The following CDH12 variants were observed in gnomAD, a reference collection of about 807,000 sequenced individuals.
CDH12 encodes the protein cadherin-12.
Under a neutral mutation model 74.1 loss-of-function variants are expected in CDH12, and 41 were observed. The observed-to-expected ratio is 0.55, with a 90% CI of 0.43 to 0.72. CDH12 has a LOEUF of 0.72. CDH12 is among the 30% of genes least tolerant of loss of function. CDH12 has a pLI of 0.00. For synonymous variants in CDH12, 399 were observed against 355.0 expected, an observed-to-expected ratio of 1.12 and a Z score of -1.39; for missense variants, 945 against 977.2, an observed-to-expected ratio of 0.97 and a Z score of 0.44.
chr5:22,660,862 TA>T (rs1248567010), intron 1 of CDH12, among the ~76,000 whole-genome samples: 1 of 152,222 alleles, frequency 6.6e-6, no homozygotes, highest in Non-Finnish European at 1.5e-5. Flanking sequence ...CCTTAAAAAT[TA>T]AATATAATAT....
chr5:22,011,978 T>C (rs1737323321), intron 5 of CDH12, among the ~76,000 whole-genome samples: 1 of 152,122 alleles, frequency 6.6e-6, no homozygotes, highest in South Asian at 2.1e-4. Flanking sequence ...TAATCCTGGC[T>C]GACTTTTATC....
At chr5:22,570,844 T>A (rs975376375) in intron 1 of CDH12, among the ~76,000 whole-genome samples, 12 of 152,186 alleles carry the variant, frequency 7.9e-5, no homozygotes, top group African/African-American at 2.9e-4. Context: ...TAAGACTGTT[T>A]CATCTACCTT....
chr5:22,790,004 TAGA>T (rs1246537005), intron 1 of CDH12, among the ~76,000 whole-genome samples: 1 of 152,074 alleles, frequency 6.6e-6, no homozygotes, highest in African/African-American at 2.4e-5. Context: ...GAAATATTTT[TAGA>T]AGAATAGGAG....
At chr5:22,550,440 C>T (rs998410760) in intron 1 of CDH12, among the ~76,000 whole-genome samples, 3 of 152,104 alleles carry the variant, frequency 2.0e-5, no homozygotes, top group African/African-American at 4.8e-5. Context: ...TGAGATTTCC[C>T]ATCTCAATAA....
At chr5:21,946,610 A>G (rs373893858) in intron 6 of CDH12, among the ~76,000 whole-genome samples, 14 of 152,336 alleles carry the variant, frequency 9.2e-5, no homozygotes, top group South Asian at 4.2e-4. Context: ...AAACCAAACA[A>G]AATCATGTAC....
At chr5:22,465,816 T>G (rs542314092) in intron 2 of CDH12, among the ~76,000 whole-genome samples, 1 of 152,178 alleles carries the variant, frequency 6.6e-6, no homozygotes, top group Non-Finnish European at 1.5e-5. Flanking sequence ...TTGCTCACCA[T>G]GTCCATCACT....
rs1746060442 is a variant in CDH12 at position 22,473,801 on chromosome 5, T to TATAGTGTAAATTGATAG, written c.-428+31468_-428+31469insCTATCAATTTACACTAT. On this transcript the variant is annotated intron_variant, in intron 2 of 14. Coordinates refer to ENST00000382254, the MANE Select transcript of CDH12 (RefSeq NM_004061.5). Reference sequence around the variant, plus strand: ...AAGGCTGATATAGTGTAAATTGATATATATAGTGTAATGGAAAATCGGACT... The same window carrying TATAGTGTAAATTGATAG: ...AAGGCTGATATAGTGTAAATTGATATATAGTGTAAATTGATAGATATAGTGTAATGGAAAATCGGACT... Among the ~76,000 whole-genome samples, 7 of 151,974 alleles carry TATAGTGTAAATTGATAG rather than the reference T, an allele frequency of 4.6e-5. No homozygotes were observed. The South Asian group carries it at 1.5e-3, about 32-fold the overall frequency.
chr5:22,367,706 A>G (rs765995388), intron 3 of CDH12, among the ~76,000 whole-genome samples: 6 of 152,174 alleles, frequency 3.9e-5, no homozygotes, highest in Non-Finnish European at 8.8e-5. Flanking sequence ...TCAGGTAAAT[A>G]TAGAAGCCCA....
chr5:22,299,329 T>C (rs992874456), intron 3 of CDH12, among the ~76,000 whole-genome samples: 1 of 152,094 alleles, frequency 6.6e-6, no homozygotes, highest in Non-Finnish European at 1.5e-5. Flanking sequence ...GACCTTTCCT[T>C]TGTCTCTGAA....
chr5:22,728,861 C>G (rs1185587696), intron 1 of CDH12, among the ~76,000 whole-genome samples: 1 of 151,768 alleles, frequency 6.6e-6, no homozygotes, highest in Non-Finnish European at 1.5e-5. Flanking sequence ...CCACACACAG[C>G]CCCACATCCT....
At chr5:22,693,921 A>T (rs269014) in intron 1 of CDH12, among the ~76,000 whole-genome samples, 16,528 of 148,002 alleles carry the variant, frequency 0.11, 2,121 homozygotes, top group African/African-American at 0.32. Context: ...TCATCAATTT[A>T]AAAAAAAAAT....
intron 3 of CDH12, among the ~76,000 whole-genome samples, chr5:22,325,365 C>T (rs977616998): frequency 6.6e-5 from 10 of 152,044 alleles, no homozygotes; most frequent in African/African-American, 2.4e-4. Context: ...TAATCAGATA[C>T]TACTTAGAAA....
intron 4 of CDH12, among the ~76,000 whole-genome samples, chr5:22,100,021 G>T (rs140283403): frequency 6.6e-6 from 1 of 151,948 alleles, no homozygotes; most frequent in South Asian, 2.1e-4. Flanking sequence ...AATGCCGCTC[G>T]AAGCAGCCCT....
At chr5:22,819,147 G>A (rs183293695) in intron 1 of CDH12, among the ~76,000 whole-genome samples, 151 of 152,192 alleles carry the variant, frequency 9.9e-4, no homozygotes, top group African/African-American at 3.4e-3. Flanking sequence ...GCATAAAATC[G>A]AATTAGCATT....
intron 1 of CDH12, among the ~76,000 whole-genome samples, chr5:22,630,293 C>A (rs1738516980): frequency 6.6e-6 from 1 of 151,872 alleles, no homozygotes; most frequent in Non-Finnish European, 1.5e-5. Flanking sequence ...AAAAAAGGGC[C>A]CAAATAGCCA....
chr5:22,805,697 T>C (rs975180439), intron 1 of CDH12, among the ~76,000 whole-genome samples: 1 of 152,150 alleles, frequency 6.6e-6, no homozygotes, highest in African/African-American at 2.4e-5. Flanking sequence ...CTGGGGTACA[T>C]GTGCAGAACG....
In CDH12 at chr5:22,696,303, G is replaced by A. The variant is rs181347815; in HGVS notation, c.-523+156755C>T. ...GGAGAATGGGGTGAACCTGGGAGGC[G>A]GAGCTTACAGTGAGCCGAGATGGCG... On this transcript the variant is annotated intron_variant, in intron 1 of 14. Coordinates refer to ENST00000382254, the MANE Select transcript of CDH12 (RefSeq NM_004061.5). Among the ~76,000 whole-genome samples the A allele has an allele frequency of 6.4e-3, 945 of 147,278 alleles. 6 individuals are homozygous for A. The highest frequency in any genetic ancestry group is 0.023 in the African/African-American group (886 of 38,198).
chr5:22,563,751 A>C (rs146594950), intron 1 of CDH12, among the ~76,000 whole-genome samples: 1 of 152,202 alleles, frequency 6.6e-6, no homozygotes, highest in Non-Finnish European at 1.5e-5. Flanking sequence ...ATGGTTCAAC[A>C]TGGCTGGGGA....
chr5:22,533,979 A>T (rs1737709973), intron 1 of CDH12, among the ~76,000 whole-genome samples: 1 of 152,192 alleles, frequency 6.6e-6, no homozygotes, highest in Non-Finnish European at 1.5e-5. Context: ...AATATGCAAT[A>T]AGAACCGACT....
Sources: allele counts gnomAD v4.1 joint callset (sites outside exome capture counted in the v4.1 genomes callset), GRCh38; gene constraint gnomAD v4.1.1; transcripts MANE v1.5; gene names NCBI Gene and HGNC (gene_info 2026-07-23, HGNC 2026-07-21).